Variants in ABLIM2 observed in about 807,000 individuals in gnomAD.
ABLIM2 encodes the protein actin binding LIM protein family member 2.
ABLIM2 carries 53 observed loss-of-function variants against 97.7 expected under a neutral mutation model. The observed-to-expected ratio is 0.54, with a 90% confidence interval of 0.44 to 0.68. ABLIM2 has a LOEUF of 0.68. Among genes scored for constraint, ABLIM2 ranks in the 30% least tolerant of loss-of-function variants. The pLI is 0.00. For missense variants in ABLIM2, 835 were observed against 867.2 expected, an observed-to-expected ratio of 0.96 and a Z score of 0.47; for synonymous variants, 361 against 345.8, an observed-to-expected ratio of 1.04 and a Z score of -0.49.
intron 1 of ABLIM2, among the ~76,000 whole-genome samples, chr4:8,154,481 C>T (rs6830962): frequency 3.7e-3 from 470 of 126,590 alleles, no homozygotes; most frequent in East Asian, 0.015. Flanking sequence ...GGGGTTTCAC[C>T]ATGTTGGCCA....
In ABLIM2 at chr4:8,005,002, T is replaced by C. The variant is rs1760148325; in HGVS notation, c.1618+3057A>G. ...ACAGGGACTGGGCCATGCTCACCAC[T>C]GCCTAGCACCATGTCCAGCACATAG... On this transcript the variant is annotated intron_variant, in intron 16 of 20. Coordinates refer to ENST00000447017, the MANE Select transcript of ABLIM2 (RefSeq NM_001130083.2). The surrounding 1 kb of genome is among the most constrained non-coding windows in gnomAD (Gnocchi z 4.9). 1.3e-5 allele frequency among the ~76,000 whole-genome samples: 2 copies of C among 152,186 alleles called. No homozygotes were observed. The highest frequency in any genetic ancestry group is 1.3e-4 in the Admixed American group (2 of 15,286).
At chr4:8,151,065 C>T (rs1019005948) in intron 1 of ABLIM2, among the ~76,000 whole-genome samples, 3 of 152,186 alleles carry the variant, frequency 2.0e-5, no homozygotes, top group African/African-American at 7.2e-5. Flanking sequence ...GCTGTCATCA[C>T]CTGTACTTTT....
intron 18 of ABLIM2, among the ~76,000 whole-genome samples, chr4:7,984,341 C>T (rs541559221): frequency 6.6e-6 from 1 of 152,318 alleles, no homozygotes; most frequent in African/African-American, 2.4e-5. Flanking sequence ...CCCCGCCACT[C>T]GCGGGCACAG....
At chr4:8,029,890 C>T (rs1779787096) in intron 10 of ABLIM2, 114 bp from the exon 11 acceptor site, 2 of 1,370,760 alleles carry the variant, frequency 1.5e-6, no homozygotes, top group African/African-American at 1.4e-5. Flanking sequence ...GTGGATGACT[C>T]AACATGGCCC....
chr4:8,128,217 A>G lies in ABLIM2; in HGVS notation c.11-21580T>C, dbSNP rs1331078186. On this transcript the variant is annotated intron_variant, in intron 1 of 20. Coordinates refer to ENST00000447017, the MANE Select transcript of ABLIM2 (RefSeq NM_001130083.2). This position sits in a 1 kb window ranked among gnomAD's most constrained non-coding sequence, Gnocchi z 4.9. The stretch of plus-strand genomic sequence containing the variant: ...CTCTGCGTGTCCTTTTTAGTCTCTT[A>G]TGAGGACACCAGTCACTGCATTTGG... Among the ~76,000 whole-genome samples, 4 of 152,132 alleles carry G rather than the reference A, an allele frequency of 2.6e-5. No homozygotes were observed. Among genetic ancestry groups the G allele is most frequent in the Non-Finnish European group, 5.9e-5 (4 of 68,028 alleles).
At chr4:8,048,362 C>T (rs1167247094) in intron 8 of ABLIM2, among the ~76,000 whole-genome samples, 20 of 152,232 alleles carry the variant, frequency 1.3e-4, no homozygotes, top group Non-Finnish European at 2.2e-4. Context: ...TGGGAGCTCA[C>T]CTGGCTCCAA....
chr4:8,137,277 G>A (rs559527942), intron 1 of ABLIM2, among the ~76,000 whole-genome samples: 2 of 152,368 alleles, frequency 1.3e-5, no homozygotes, highest in Admixed American at 1.3e-4. Context: ...GGGATCCTGA[G>A]CTGGGTGAGA....
At chr4:7,985,683 T>C (rs945061790) in intron 17 of ABLIM2, among the ~76,000 whole-genome samples, 3 of 152,126 alleles carry the variant, frequency 2.0e-5, no homozygotes, top group Non-Finnish European at 4.4e-5. Context: ...TAAGTACCCA[T>C]ACAGGGTGGC....
At chr4:7,995,842 C>A (rs115627329) in intron 16 of ABLIM2, among the ~76,000 whole-genome samples, 26 of 152,156 alleles carry the variant, frequency 1.7e-4, no homozygotes, top group African/African-American at 6.0e-4. Context: ...TATTCCTCCC[C>A]CTCCCAGCCC....
rs374090105 is a variant in ABLIM2 at position 8,005,287 on chromosome 4, C to T, written c.1618+2772G>A. 3 of 526,374 alleles carry T rather than the reference C, an allele frequency of 5.7e-6. No homozygotes were observed. Among genetic ancestry groups the T allele is most frequent in the East Asian group, 5.5e-5 (1 of 18,160 alleles). The allele number at this position is 526,374 out of a possible 1,614,324, so 32.6% of individuals were successfully genotyped here. A position where few individuals can be genotyped will look rare whatever the true frequency, so the allele number is the denominator to read the frequency against. On this transcript the variant is annotated intron_variant, in intron 16 of 20. Coordinates refer to ENST00000447017, the MANE Select transcript of ABLIM2 (RefSeq NM_001130083.2). This position sits in a 1 kb window ranked among gnomAD's most constrained non-coding sequence, Gnocchi z 4.9. ...GTCTTCTCTGTCCCCCTCGGCGCCC[C>T]GCTCAGCGTCTGGCACAGAGTGGGT...
Position 8,124,516 on chromosome 4 carries a change from C to G in ABLIM2, c.11-17879G>C, listed in dbSNP as rs575291442. ...GAACGGAATCCCACACTGCGTGGTC[C>G]TTCGCGACTGGCTTCTTTCACTCGG... On this transcript the variant is annotated intron_variant, in intron 1 of 20. Coordinates refer to ENST00000447017, the MANE Select transcript of ABLIM2 (RefSeq NM_001130083.2). This position sits in a 1 kb window ranked among gnomAD's most constrained non-coding sequence, Gnocchi z 6.1. 2.0e-5 allele frequency among the ~76,000 whole-genome samples: 3 copies of G among 152,262 alleles called. No individual in the cohort carries two copies. Among genetic ancestry groups the G allele is most frequent in the African/African-American group, 7.2e-5 (3 of 41,554 alleles).
rs1791317790 is a variant in ABLIM2, at chr4:8,044,938, G to C, written c.900+226C>G. 6.6e-6 allele frequency among the ~76,000 whole-genome samples: 1 copy of C among 152,214 alleles called. No homozygotes were observed. Among genetic ancestry groups the C allele is most frequent in the Admixed American group, 6.5e-5 (1 of 15,288 alleles). On this transcript the variant is annotated intron_variant, in intron 9 of 20. Transcript: ENST00000447017. The surrounding 1 kb of genome is among the most constrained non-coding windows in gnomAD (Gnocchi z 4.4). ...TCTTGTCACCAGATAATTGGGGACAGGTTCCCAGGGGAATTGCCGGGTCAA... is the reference window on the plus strand; with the variant it reads ...TCTTGTCACCAGATAATTGGGGACACGTTCCCAGGGGAATTGCCGGGTCAA...
chr4:8,104,830 CA>C (rs1836444499), intron 2 of ABLIM2, among the ~76,000 whole-genome samples: 1 of 152,180 alleles, frequency 6.6e-6, no homozygotes, highest in Non-Finnish European at 1.5e-5. Context: ...CATTGGTTTT[CA>C]AGCTTCCTTT....
At position 8,125,392 on chromosome 4, in the gene ABLIM2, C is replaced by T. The variant is rs1847404924; in HGVS notation, c.11-18755G>A. On this transcript the variant is annotated intron_variant, in intron 1 of 20. Coordinates refer to ENST00000447017, the MANE Select transcript of ABLIM2 (RefSeq NM_001130083.2). The surrounding 1 kb of genome is among the most constrained non-coding windows in gnomAD (Gnocchi z 6.2). ...GAATAATTTTACACAAATAGAATTG[C>T]ATCTATGTGACTGCTAGTTTTAATT... 6.6e-6 allele frequency among the ~76,000 whole-genome samples: 1 copy of T among 152,224 alleles called. No homozygotes were observed. The highest frequency in any genetic ancestry group is 1.5e-5 in the Non-Finnish European group (1 of 68,048).
chr4:8,097,509 T>C (rs533159986), intron 2 of ABLIM2, among the ~76,000 whole-genome samples: 1 of 152,204 alleles, frequency 6.6e-6, no homozygotes, highest in South Asian at 2.1e-4. Context: ...TTACAGAAGC[T>C]TGGGAAAGGG....
intron 7 of ABLIM2, among the ~76,000 whole-genome samples, chr4:8,056,691 G>A (rs1799377814): frequency 6.6e-6 from 1 of 151,872 alleles, no homozygotes; most frequent in South Asian, 2.1e-4. Flanking sequence ...CCAGCACTTT[G>A]GGAGGCTGAG....
chr4:8,007,165 T>G (rs148515363), intron 16 of ABLIM2: 5 of 985,294 alleles, frequency 5.1e-6, no homozygotes, highest in Non-Finnish European at 6.0e-6. Context: ...AGGATGAGGA[T>G]GAGGATGAGA....
rs1217483774 is a variant in ABLIM2, at chr4:8,127,803, C to A, written c.11-21166G>T. On this transcript the variant is annotated intron_variant, in intron 1 of 20. Transcript: ENST00000447017. This position sits in a 1 kb window ranked among gnomAD's most constrained non-coding sequence, Gnocchi z 7.3. Reference sequence around the variant, plus strand: ...CGCCACACTATGCGCCAGAGACACACCTGTCTCCCAGGCATCCGGGAAAGG... The same window carrying A: ...CGCCACACTATGCGCCAGAGACACAACTGTCTCCCAGGCATCCGGGAAAGG... 3.4e-5 allele frequency: 28 copies of A among 819,206 alleles called. No homozygotes were observed. The highest frequency in any genetic ancestry group is 2.9e-5 in the Non-Finnish European group (20 of 678,446). The allele number at this position is 819,206 out of a possible 1,614,324, so 50.7% of individuals were successfully genotyped here.
intron 3 of ABLIM2, among the ~76,000 whole-genome samples, chr4:8,089,904 C>A (rs970708517): frequency 3.3e-5 from 5 of 152,172 alleles, no homozygotes; most frequent in Admixed American, 2.6e-4. Flanking sequence ...CCTGCCAAGT[C>A]CCTGCCTGGC....
Sources: gnomAD v4.1 joint callset for allele counts (sites outside exome capture counted in the v4.1 genomes callset) on GRCh38, gnomAD v4.1.1 for gene constraint, Gnocchi (gnomAD v3.1) non-coding constraint, MANE v1.5 for transcripts, NCBI Gene and HGNC (gene_info 2026-07-23, HGNC 2026-07-21) for gene names.